The following WARS2 variants were observed in gnomAD, a reference collection of about 807,000 sequenced individuals.
WARS2 encodes the protein tryptophan--tRNA ligase, mitochondrial.
WARS2 carries 28 observed loss-of-function variants against 36.5 expected under a neutral mutation model. The ratio of observed to expected loss-of-function variants is 0.77; its 90% CI spans 0.57 to 1.05. The LOEUF (loss-of-function observed/expected upper bound fraction) is 1.05, where lower values mean the gene tolerates loss of function less well. WARS2 is among the 50% of genes least tolerant of loss of function. WARS2 has a pLI of 0.00. For synonymous variants in WARS2, 174 were observed against 178.4 expected (o/e 0.98, Z 0.20); for missense variants, 435 against 456.8 (o/e 0.95, Z 0.44).
chr1:119,054,794 G>C (rs1412744732), intron 2 of WARS2, among the ~76,000 whole-genome samples: 5 of 152,106 alleles, frequency 3.3e-5, no homozygotes, highest in Non-Finnish European at 7.4e-5. Flanking sequence ...AAATAAACCA[G>C]CCACAAAAAG....
intron 2 of WARS2, among the ~76,000 whole-genome samples, chr1:119,052,086 T>G (rs2101158834): frequency 6.6e-6 from 1 of 152,164 alleles, no homozygotes; most frequent in Admixed American, 6.5e-5. Flanking sequence ...AGATTTGAGA[T>G]GGGCTAATTT....
intron 1 of WARS2, chr1:119,085,379 T>A (rs1652562183): frequency 7.2e-7 from 1 of 1,394,256 alleles, no homozygotes. Context: ...GGTTGTCCTC[T>A]TCCTTTACTG....
intron 1 of WARS2, among the ~76,000 whole-genome samples, chr1:119,118,947 C>T (rs1032710036): frequency 5.9e-5 from 9 of 152,038 alleles, no homozygotes; most frequent in African/African-American, 1.7e-4. Flanking sequence ...AATCTTGAAA[C>T]AAAACCCCAA....
At chr1:119,047,392 G>A (rs1648952002) in intron 2 of WARS2, 3 of 152,162 alleles carry the variant, frequency 2.0e-5, no homozygotes, top group Admixed American at 2.0e-4. Context: ...TGATTCAAAT[G>A]CTTAGCTTTG....
intron 2 of WARS2, among the ~76,000 whole-genome samples, chr1:119,046,563 G>C (rs1235110822): frequency 7.0e-6 from 1 of 143,618 alleles, no homozygotes; most frequent in South Asian, 2.2e-4. Context: ...TCACCATCTT[G>C]ACCAGACTTG....
At chr1:119,109,941 T>C (rs993917973) in intron 1 of WARS2, among the ~76,000 whole-genome samples, 1 of 151,918 alleles carries the variant, frequency 6.6e-6, no homozygotes. Context: ...CTTTGCACCA[T>C]ACATTTACCA....
chr1:119,033,391 A>C, intron 5 of WARS2, 32 bp from the exon 6 acceptor site: 1 of 1,609,780 alleles, frequency 6.2e-7, no homozygotes, highest in African/African-American at 1.3e-5. Context: ...ACACATACCC[A>C]AAACAAAAAC....
At position 119,033,136 on chromosome 1, in the gene WARS2, G is replaced by A; in HGVS notation, c.858C>T (p.Ser286=). 2 of 1,614,142 alleles carry A rather than the reference G, an allele frequency of 1.2e-6. No homozygotes were observed. Among genetic ancestry groups the A allele is most frequent in the Non-Finnish European group, 1.7e-6 (2 of 1,180,054 alleles). The change falls in exon 6 of 6, where the codon TCC becomes TCT. Residue 286 remains serine (S), a synonymous_variant. Coordinates refer to ENST00000235521, the MANE Select transcript of WARS2 (RefSeq NM_015836.4). Reference sequence around the variant, plus strand: ...CGCTGCGGCGCACCACTTCCTCCACGGAGAGCCCCGTCACCGCGGCATGCA... The same window carrying A: ...CGCTGCGGCGCACCACTTCCTCCACAGAGAGCCCCGTCACCGCGGCATGCA... The part of the protein sequence containing the change: ...VAVHAAVTGL[S]VEEVVRRSAG...
intron 2 of WARS2, among the ~76,000 whole-genome samples, chr1:119,055,033 T>C (rs1649656349): frequency 1.3e-5 from 2 of 152,230 alleles, no homozygotes; most frequent in South Asian, 4.1e-4. Flanking sequence ...GTTAAGATGA[T>C]AAATTTAATG....
At chr1:119,061,517 ATAGAGT>A (rs1281207717) in intron 2 of WARS2, among the ~76,000 whole-genome samples, 5 of 152,222 alleles carry the variant, frequency 3.3e-5, no homozygotes, top group Admixed American at 6.5e-5. Flanking sequence ...CTTAAGGAAG[ATAGAGT>A]TAGAAGATTG....
chr1:119,038,941 C>T (rs555149792), intron 4 of WARS2, among the ~76,000 whole-genome samples: 1 of 152,334 alleles, frequency 6.6e-6, no homozygotes, highest in African/African-American at 2.4e-5. Context: ...CTCGGCCTCC[C>T]AAAGTGCTGG....
intron 1 of WARS2, among the ~76,000 whole-genome samples, chr1:119,096,162 C>A (rs934987861): frequency 1.3e-5 from 2 of 152,110 alleles, no homozygotes; most frequent in Non-Finnish European, 2.9e-5. Context: ...TAAATGATGA[C>A]AATTTAAAAA....
intron 1 of WARS2, chr1:119,085,536 G>T (rs1474091516): frequency 3.1e-6 from 5 of 1,610,702 alleles, no homozygotes; most frequent in Non-Finnish European, 4.2e-6. Flanking sequence ...TGGTGAGGGG[G>T]TACGAGCCCC....
At chr1:119,055,263 G>T (rs1571284902) in intron 2 of WARS2, among the ~76,000 whole-genome samples, 1 of 152,158 alleles carries the variant, frequency 6.6e-6, no homozygotes, top group Non-Finnish European at 1.5e-5. Context: ...GAGATGTCTA[G>T]AAGATAGCTG....
At chr1:119,114,319 T>C (rs940813979) in intron 1 of WARS2, among the ~76,000 whole-genome samples, 1 of 152,162 alleles carries the variant, frequency 6.6e-6, no homozygotes, top group Non-Finnish European at 1.5e-5. Context: ...AAGCTATGAG[T>C]ATGTGTACAA....
At chr1:119,035,786 G>C (rs1359092094) in intron 4 of WARS2, among the ~76,000 whole-genome samples, 1 of 152,140 alleles carries the variant, frequency 6.6e-6, no homozygotes, top group African/African-American at 2.4e-5. Flanking sequence ...AATATAAATG[G>C]TATGTTACAG....
chr1:119,131,092 G>A (rs1169023334), intron 1 of WARS2, among the ~76,000 whole-genome samples: 1 of 152,160 alleles, frequency 6.6e-6, no homozygotes, highest in Non-Finnish European at 1.5e-5. Flanking sequence ...TTCTATAAGA[G>A]AGATACAATG....
chr1:119,118,068 T>C (rs1655090496), intron 1 of WARS2, among the ~76,000 whole-genome samples: 1 of 152,126 alleles, frequency 6.6e-6, no homozygotes, highest in East Asian at 1.9e-4. Context: ...GCAATGGCTC[T>C]AAACCAAGTA....
chr1:119,034,062 C>A (rs760791059), intron 5 of WARS2, 33 bp downstream of exon 5: 3 of 1,573,332 alleles, frequency 1.9e-6, no homozygotes, highest in Non-Finnish European at 2.6e-6. Context: ...TTAGAATATA[C>A]CCTGATGTAA....
Sources: gnomAD v4.1 joint callset for allele counts (sites outside exome capture counted in the v4.1 genomes callset) on GRCh38, gnomAD v4.1.1 for gene constraint, MANE v1.5 for transcripts, NCBI Gene and HGNC (gene_info 2026-07-23, HGNC 2026-07-21) for gene names.